The following SLC16A10 variants were observed in gnomAD, a reference collection of about 807,000 sequenced individuals.
SLC16A10 encodes solute carrier family 16 member 10, also known as monocarboxylate transporter 10.
SLC16A10 carries 27 observed loss-of-function variants against 40.0 expected under a neutral mutation model. The observed-to-expected ratio is 0.67, with a 90% CI of 0.50 to 0.93. SLC16A10 has a LOEUF of 0.93. Ranked by LOEUF, SLC16A10 falls within the 40% of genes least tolerant of loss-of-function variation. The pLI, the probability that SLC16A10 is intolerant of heterozygous loss-of-function variation, is 0.00. For missense variants in SLC16A10, 529 were observed against 658.2 expected, an observed-to-expected ratio of 0.80 and a Z score of 2.15; for synonymous variants, 213 against 249.8, an observed-to-expected ratio of 0.85 and a Z score of 1.39.
intron 4 of SLC16A10, among the ~76,000 whole-genome samples, chr6:111,213,786 A>G (rs1773381000): frequency 6.6e-6 from 1 of 152,236 alleles, no homozygotes. Flanking sequence ...TGTGTGCTTC[A>G]GAAGAATCCA....
chr6:111,167,087 T>C (rs1471341147), intron 1 of SLC16A10, among the ~76,000 whole-genome samples: 1 of 152,232 alleles, frequency 6.6e-6, no homozygotes, highest in Non-Finnish European at 1.5e-5. Context: ...ATCTCTTATT[T>C]GTTTTTATAT....
chr6:111,217,590 C>T (rs552902250), intron 4 of SLC16A10, among the ~76,000 whole-genome samples: 3 of 152,172 alleles, frequency 2.0e-5, no homozygotes, highest in Admixed American at 6.5e-5. Context: ...GCTGGGATTA[C>T]AGGCGCCGGC....
At position 111,222,049 on chromosome 6, in the gene SLC16A10, C is replaced by G; in HGVS notation, c.1362C>G (p.Leu454=). 2 of 1,610,584 alleles carry G rather than the reference C, an allele frequency of 1.2e-6. No individual in the cohort carries two copies. Among genetic ancestry groups the G allele is most frequent in the Non-Finnish European group, 1.7e-6 (2 of 1,179,158 alleles). The change falls in exon 6 of 6, where the codon CTC becomes CTG. Residue 454 remains leucine, a synonymous_variant. Coordinates refer to ENST00000368851, the MANE Select transcript of SLC16A10 (RefSeq NM_018593.5). ...KLGSYDVAFY[L]AGVPPLIGGA... is the part of the protein sequence containing the mutation. ...GCTCCTATGATGTGGCATTCTACCT[C>G]GCTGGAGTCCCTCCCCTTATTGGAG...
chr6:111,193,447 AT>A (rs1773029828), intron 3 of SLC16A10: 1 of 407,380 alleles, frequency 2.5e-6, no homozygotes, highest in Non-Finnish European at 3.3e-6. Context: ...TCATGGGGAC[AT>A]TTAATATTTA....
intron 3 of SLC16A10, among the ~76,000 whole-genome samples, chr6:111,198,378 C>G (rs1298120821): frequency 1.3e-5 from 2 of 152,166 alleles, no homozygotes; most frequent in Admixed American, 6.5e-5. Flanking sequence ...GACTATTTTT[C>G]CAAATTCATG....
In SLC16A10 at chr6:111,230,074, C is replaced by G. The variant is rs1200371471; in HGVS notation, c.*7839C>G. ...CGCGATCTCAGCTCACTGCAACCTC[C>G]GCCTCCCGGGCTCAAGTGATTCTCG... On this transcript the variant is annotated 3_prime_UTR_variant, in exon 6 of 6. Transcript: ENST00000368851. 1 of 144,356 alleles carries G rather than the reference C, an allele frequency of 6.9e-6. No homozygotes were observed. The highest frequency in any genetic ancestry group is 2.0e-4 in the East Asian group (1 of 4,934). The allele number at this position is 144,356 out of a possible 1,614,324, so 8.9% of individuals were successfully genotyped here.
intron 5 of SLC16A10, 112 bp downstream of exon 5, chr6:111,219,154 C>T: frequency 1.0e-6 from 1 of 992,828 alleles, no homozygotes; most frequent in Non-Finnish European, 1.5e-6. Context: ...GATTACTGGT[C>T]TTTTGCTTTT....
intron 1 of SLC16A10, among the ~76,000 whole-genome samples, chr6:111,126,334 C>A (rs990348881): frequency 2.4e-4 from 37 of 152,090 alleles, no homozygotes; most frequent in African/African-American, 8.9e-4. Context: ...TTGACTTCAC[C>A]AGGAGGTGTT....
intron 1 of SLC16A10, among the ~76,000 whole-genome samples, chr6:111,147,097 G>C (rs1772093790): frequency 6.6e-6 from 1 of 152,154 alleles, no homozygotes; most frequent in African/African-American, 2.4e-5. Context: ...TCTTTTTGGG[G>C]TGAGAAAAGT....
chr6:111,212,754 C>G (rs1773363947), intron 4 of SLC16A10, among the ~76,000 whole-genome samples: 2 of 150,506 alleles, frequency 1.3e-5, no homozygotes, highest in South Asian at 4.2e-4. Context: ...GATCATGCCA[C>G]TGCATACCAG....
At chr6:111,106,892 G>C (rs9767473) in intron 1 of SLC16A10, among the ~76,000 whole-genome samples, 1,535 of 151,956 alleles carry the variant, frequency 0.01, 39 homozygotes, top group African/African-American at 0.035. Context: ...CTCTAGCTGG[G>C]GATTAACAAA....
chr6:111,167,289 C>T (rs1254442718), intron 1 of SLC16A10, among the ~76,000 whole-genome samples: 4 of 152,088 alleles, frequency 2.6e-5, no homozygotes, highest in Non-Finnish European at 5.9e-5. Context: ...TTAAATGTGC[C>T]ACTTCACCTT....
chr6:111,153,709 G>A (rs1261177087), intron 1 of SLC16A10, among the ~76,000 whole-genome samples: 2 of 152,156 alleles, frequency 1.3e-5, no homozygotes, highest in African/African-American at 2.4e-5. Flanking sequence ...AGCTTTGCCT[G>A]TTTCACCTGA....
Position 111,158,694 on chromosome 6 carries a change from C to G in SLC16A10, c.344-14001C>G, listed in dbSNP as rs554068515. On this transcript the variant is annotated intron_variant, in intron 1 of 5. Transcript: ENST00000368851. ...TAACTTTAGTATTTTTTTGTATTTA[C>G]TCGATATTTTAAACAAACAAAAATC... Among the ~76,000 whole-genome samples, 30 of 152,146 alleles carry G rather than the reference C, an allele frequency of 2.0e-4. No homozygotes were observed. In the South Asian group the frequency reaches 6.0e-3, roughly 31 times the overall value.
intron 1 of SLC16A10, among the ~76,000 whole-genome samples, chr6:111,110,347 A>T (rs1008085991): frequency 2.0e-5 from 3 of 146,502 alleles, no homozygotes; most frequent in South Asian, 2.2e-4. Context: ...GAGGGTAACA[A>T]TTTTTTTTTT....
chr6:111,122,984 T>A (rs541581868), intron 1 of SLC16A10, among the ~76,000 whole-genome samples: 13 of 152,352 alleles, frequency 8.5e-5, no homozygotes, highest in Admixed American at 3.9e-4. Context: ...AAATAAACAT[T>A]GCCTCATCTG....
chr6:111,132,258 AAGAAAG>A (rs1771797975), intron 1 of SLC16A10, among the ~76,000 whole-genome samples: 2 of 148,632 alleles, frequency 1.3e-5, no homozygotes, highest in South Asian at 4.1e-4. Context: ...CAAAGAGAAA[AAGAAAG>A]AGAAAGATAG....
chr6:111,186,697 A>G (rs527377275), intron 3 of SLC16A10, among the ~76,000 whole-genome samples: 1 of 152,280 alleles, frequency 6.6e-6, no homozygotes, highest in South Asian at 2.1e-4. Flanking sequence ...TTAGCACCCA[A>G]ACAAAGTTCT....
intron 4 of SLC16A10, among the ~76,000 whole-genome samples, chr6:111,209,450 TGAATTG>T (rs1034605586): frequency 6.6e-6 from 1 of 152,138 alleles, no homozygotes; most frequent in Non-Finnish European, 1.5e-5. Flanking sequence ...AGTATGATGA[TGAATTG>T]GGGTTTTTTA....
Sources: allele counts gnomAD v4.1 joint callset (sites outside exome capture counted in the v4.1 genomes callset), GRCh38; gene constraint gnomAD v4.1.1; transcripts MANE v1.5; gene names NCBI Gene and HGNC (gene_info 2026-07-23, HGNC 2026-07-21).